DPP6: variants seen among roughly 807,000 people sequenced by gnomAD.
DPP6 encodes the protein A-type potassium channel modulatory protein DPP6.
In DPP6, 69 loss-of-function variants were observed where a neutral mutation model predicts 122.6. The ratio of observed to expected loss-of-function variants is 0.56; its 90% CI spans 0.46 to 0.69. DPP6 has a LOEUF of 0.69. DPP6 is among the 30% of genes least tolerant of loss of function. The pLI is 0.00. For missense variants in DPP6, 928 were observed against 1,116.9 expected (o/e 0.83, Z 2.41); for synonymous variants, 418 against 433.1 (o/e 0.97, Z 0.43).
chr7:154,250,415 G>A (rs1050441452), intron 1 of DPP6, among the ~76,000 whole-genome samples: 7 of 152,072 alleles, frequency 4.6e-5, no homozygotes, highest in Admixed American at 2.6e-4. Context: ...GTGTGGGTGC[G>A]TGCGCTGGGG....
intron 21 of DPP6, among the ~76,000 whole-genome samples, chr7:154,882,663 CCCCCCG>C (rs1805482779): frequency 6.7e-6 from 1 of 148,912 alleles, no homozygotes; most frequent in South Asian, 2.3e-4. Flanking sequence ...CTGCAGTTTC[CCCCCCG>C]ACACCGAAAA....
chr7:154,265,331 T>A (rs777948971), intron 1 of DPP6, among the ~76,000 whole-genome samples: 1 of 152,148 alleles, frequency 6.6e-6, no homozygotes, highest in African/African-American at 2.4e-5. Flanking sequence ...CTGAACCAAG[T>A]CTCTCTGAAA....
chr7:153,789,556 C>A, the DPP6 span, among the ~76,000 whole-genome samples: 148,797 of 152,304 alleles, frequency 0.98, 72,705 homozygotes, highest in Middle Eastern at 1. Flanking sequence ...GAAGCACTTG[C>A]ATATAAAATG....
In DPP6 at chr7:154,822,827, A is replaced by G. The variant is rs1296097785; in HGVS notation, c.1666+15715A>G. The stretch of plus-strand genomic sequence containing the variant: ...CTCTCTTGCACGTTTCACTCCTGCC[A>G]TTGATTTTTCTGTGTATGTTTTCAG... On this transcript the variant is annotated intron_variant, in intron 16 of 25. Transcript: ENST00000377770. Among the ~76,000 whole-genome samples, 3 of 152,086 alleles carry G rather than the reference A, an allele frequency of 2.0e-5. No homozygotes were observed. The East Asian group carries it at 5.8e-4, about 29-fold the overall frequency.
intron 1 of DPP6, among the ~76,000 whole-genome samples, chr7:154,082,849 T>TC (rs1420751681): frequency 0.016 from 1,901 of 118,460 alleles, 63 homozygotes; most frequent in African/African-American, 0.056. Context: ...TCTTTTTCTT[T>TC]TTTTTTTTTT....
intron 1 of DPP6, among the ~76,000 whole-genome samples, chr7:154,173,766 A>G (rs565960271): frequency 1.3e-5 from 2 of 152,258 alleles, no homozygotes. Context: ...CTGCAGGCTC[A>G]CCAAGGAACG....
intron 1 of DPP6, among the ~76,000 whole-genome samples, chr7:154,214,477 T>C (rs1799895578): frequency 6.6e-6 from 1 of 152,200 alleles, no homozygotes; most frequent in African/African-American, 2.4e-5. Context: ...GCCACTGTGA[T>C]GTGGAGAGGA....
chr7:154,007,566 C>T (rs1422774407), intron 1 of DPP6, among the ~76,000 whole-genome samples: 2 of 152,142 alleles, frequency 1.3e-5, no homozygotes, highest in Non-Finnish European at 2.9e-5. Flanking sequence ...ATATTCCTGT[C>T]CCCATTTTAG....
intron 1 of DPP6, among the ~76,000 whole-genome samples, chr7:153,915,215 A>G (rs1800255750): frequency 6.6e-6 from 1 of 152,190 alleles, no homozygotes. Context: ...AACATTCTAC[A>G]GACTTGTCCA....
At chr7:154,080,264 C>T (rs2150527240) in intron 1 of DPP6, among the ~76,000 whole-genome samples, 1 of 152,192 alleles carries the variant, frequency 6.6e-6, no homozygotes, top group Non-Finnish European at 1.5e-5. Flanking sequence ...AGAAGATTGG[C>T]CGTTGACTCT....
intron 5 of DPP6, among the ~76,000 whole-genome samples, chr7:154,632,795 CT>C (rs1206509063): frequency 1.3e-5 from 2 of 152,018 alleles, no homozygotes; most frequent in African/African-American, 2.4e-5. Context: ...AAGAAAAGAC[CT>C]TAGAAATCTA....
At chr7:154,273,882 T>C (rs1441553404) in intron 1 of DPP6, among the ~76,000 whole-genome samples, 1 of 152,208 alleles carries the variant, frequency 6.6e-6, no homozygotes, top group African/African-American at 2.4e-5. Context: ...ATAAATGCTA[T>C]CAACACTTTG....
chr7:154,811,386 A>G (rs1379839928), intron 16 of DPP6, among the ~76,000 whole-genome samples: 1 of 152,204 alleles, frequency 6.6e-6, no homozygotes, highest in Non-Finnish European at 1.5e-5. Flanking sequence ...TGCCTAAGGG[A>G]TGAGAAGATC....
chr7:154,313,709 A>ACG lies in DPP6; in HGVS notation c.244-132505_244-132504insCG, dbSNP rs1563460269. 4.2e-3 allele frequency among the ~76,000 whole-genome samples: 134 copies of ACG among 32,118 alleles called. 31 individuals are homozygous for ACG. Among genetic ancestry groups the ACG allele is most frequent in the South Asian group, 0.024 (17 of 716 alleles). 21.1% of individuals were successfully genotyped at this position (32,118 alleles called of 152,430 possible). ...GGTATATATATATATATATATATAT[A>ACG]TATATACACACACACGCACGCACAC... On this transcript the variant is annotated intron_variant, in intron 1 of 25. Transcript: ENST00000377770.
intron 1 of DPP6, chr7:154,055,455 A>C (rs1375658126): frequency 6.6e-6 from 1 of 151,260 alleles, no homozygotes; most frequent in African/African-American, 2.4e-5. Context: ...TGTATTGAAA[A>C]ACAAAAACAA....
intron 4 of DPP6, among the ~76,000 whole-genome samples, chr7:154,553,391 A>G (rs1311879401): frequency 6.6e-6 from 1 of 152,216 alleles, no homozygotes. Context: ...ATTGTGAAGT[A>G]GAAAACCAAA....
intron 1 of DPP6, among the ~76,000 whole-genome samples, chr7:154,060,272 C>T (rs1313261535): frequency 8.3e-6 from 1 of 121,084 alleles, no homozygotes; most frequent in African/African-American, 3.3e-5. Context: ...CCCCGCGAGG[C>T]AGGGACTGAG....
At chr7:153,893,593 A>G (rs1799294341) in intron 1 of DPP6, among the ~76,000 whole-genome samples, 1 of 152,234 alleles carries the variant, frequency 6.6e-6, no homozygotes. Flanking sequence ...CCCTGCATAG[A>G]GTATTTTCCA....
intron 4 of DPP6, among the ~76,000 whole-genome samples, chr7:154,557,682 A>T (rs1454387952): frequency 6.6e-6 from 1 of 152,150 alleles, no homozygotes; most frequent in African/African-American, 2.4e-5. Context: ...ATTGGACAGC[A>T]GGCAGTGCAC....
Sources: allele counts gnomAD v4.1 joint callset (sites outside exome capture counted in the v4.1 genomes callset), GRCh38; gene constraint gnomAD v4.1.1; transcripts MANE v1.5; gene names NCBI Gene and HGNC (gene_info 2026-07-23, HGNC 2026-07-21).